Variants in TTC7B observed in about 807,000 individuals in gnomAD.
TTC7B encodes the protein tetratricopeptide repeat domain 7B, also known as tetratricopeptide repeat protein 7B.
A neutral mutation model predicts 106.8 loss-of-function variants in TTC7B; 28 were observed. The observed-to-expected ratio is 0.26, with a 90% CI of 0.19 to 0.36. The LOEUF is 0.36. Among genes scored for constraint, TTC7B ranks in the 10% least tolerant of loss-of-function variants. The pLI is 1.00. For synonymous variants in TTC7B, 405 were observed against 430.6 expected (o/e 0.94, Z 0.74); for missense variants, 862 against 1,076.4 (o/e 0.80, Z 2.79).
intron 3 of TTC7B, among the ~76,000 whole-genome samples, chr14:90,777,553 A>G (rs953658757): frequency 6.6e-6 from 1 of 152,208 alleles, no homozygotes; most frequent in Non-Finnish European, 1.5e-5. Context: ...CTCAGACCTC[A>G]GGTCACCAGG....
At chr14:90,766,589 T>C in intron 3 of TTC7B, 1 of 837,730 alleles carries the variant, frequency 1.2e-6, no homozygotes, top group East Asian at 2.4e-5. Flanking sequence ...AACACCATCA[T>C]CGATGGGCAG....
intron 17 of TTC7B, among the ~76,000 whole-genome samples, chr14:90,601,783 C>G (rs1359000206): frequency 6.6e-6 from 1 of 152,188 alleles, no homozygotes; most frequent in Non-Finnish European, 1.5e-5. Context: ...GGGGAAGGCA[C>G]CTGACTCGCC....
intron 5 of TTC7B, among the ~76,000 whole-genome samples, chr14:90,712,047 T>TA (rs1888470544): frequency 8.7e-6 from 1 of 114,740 alleles, no homozygotes; most frequent in Admixed American, 8.4e-5. Flanking sequence ...AGGTTGAAAA[T>TA]AAAAGGACAA....
intron 4 of TTC7B, among the ~76,000 whole-genome samples, chr14:90,732,904 A>T (rs779627467): frequency 6.6e-6 from 1 of 152,092 alleles, no homozygotes. Flanking sequence ...CTTTTCTAAC[A>T]ATCGGCATTA....
chr14:90,774,224 G>A (rs540630153), intron 3 of TTC7B, among the ~76,000 whole-genome samples: 5 of 152,288 alleles, frequency 3.3e-5, no homozygotes, highest in South Asian at 2.1e-4. Context: ...TAGCCGCTCC[G>A]CTCACCTGGG....
At chr14:90,561,899 G>A (rs960586372) in intron 19 of TTC7B, among the ~76,000 whole-genome samples, 6 of 152,156 alleles carry the variant, frequency 3.9e-5, no homozygotes, top group African/African-American at 1.4e-4. Flanking sequence ...TTAGCAAGGT[G>A]GACTGAAAAA....
At chr14:90,637,187 GA>G (rs564506989) in intron 15 of TTC7B, among the ~76,000 whole-genome samples, 1 of 151,360 alleles carries the variant, frequency 6.6e-6, no homozygotes, top group Non-Finnish European at 1.5e-5. Context: ...TATTAGAATT[GA>G]AAAAAACTTA....
chr14:90,627,145 C>T lies in TTC7B; in HGVS notation c.1752-9100G>A, dbSNP rs1392559336. On this transcript the variant is annotated intron_variant, in intron 15 of 19. Coordinates refer to ENST00000328459, the MANE Select transcript of TTC7B (RefSeq NM_001010854.2). ...TGCAGGCATGCGTCACCATGACTGGCTAATTAAAAAAAATTTTTTAGTAGA... is the reference window on the plus strand; with the variant it reads ...TGCAGGCATGCGTCACCATGACTGGTTAATTAAAAAAAATTTTTTAGTAGA... Among the ~76,000 whole-genome samples the T allele has an allele frequency of 2.0e-5, 3 of 151,862 alleles. No homozygotes were observed. In the East Asian group the frequency reaches 5.8e-4, roughly 29 times the overall value.
At chr14:90,753,674 C>G (rs1003498884) in intron 3 of TTC7B, among the ~76,000 whole-genome samples, 6 of 152,226 alleles carry the variant, frequency 3.9e-5, no homozygotes, top group African/African-American at 1.4e-4. Context: ...CAATCCAGAG[C>G]ATCTATGATT....
At chr14:90,731,704 C>G (rs1378729258) in intron 4 of TTC7B, among the ~76,000 whole-genome samples, 1 of 152,144 alleles carries the variant, frequency 6.6e-6, no homozygotes, top group African/African-American at 2.4e-5. Flanking sequence ...CCGTCAAGTG[C>G]CAGAGATGCA....
chr14:90,578,033 CAT>C lies in TTC7B; in HGVS notation c.2310+71_2310+72del. 6.6e-7 allele frequency: 1 copy of C among 1,518,244 alleles called. No individual in the cohort carries two copies. Among genetic ancestry groups the C allele is most frequent in the South Asian group, 1.2e-5 (1 of 83,236 alleles). The allele number at this position is 1,518,244 out of a possible 1,614,324, so 94.0% of individuals were successfully genotyped here. A position where few individuals can be genotyped will look rare whatever the true frequency, so the allele number is the denominator to read the frequency against. On this transcript the variant is annotated intron_variant, in intron 19 of 19. Transcript: ENST00000328459. The surrounding 1 kb of genome is among the most constrained non-coding windows in gnomAD (Gnocchi z 4.7). ...TGGAAGCAGAAGAGGGTGTGAGGGT[CAT>C]GTGCTACCTGCCGCTTCCAAGGGCT...
At chr14:90,601,860 C>T in intron 17 of TTC7B, 3 of 287,562 alleles carry the variant, frequency 1.0e-5, no homozygotes, top group South Asian at 1.0e-4. Flanking sequence ...ATGGAATTTA[C>T]ATTTTTACAG....
At chr14:90,692,312 T>C (rs563904809) in intron 6 of TTC7B, among the ~76,000 whole-genome samples, 87 of 152,290 alleles carry the variant, frequency 5.7e-4, no homozygotes, top group African/African-American at 2.0e-3. Context: ...TTTTAATTAT[T>C]TGGAGTATAT....
intron 19 of TTC7B, among the ~76,000 whole-genome samples, chr14:90,571,547 T>G (rs1891036508): frequency 6.6e-6 from 1 of 152,222 alleles, no homozygotes; most frequent in Non-Finnish European, 1.5e-5. Flanking sequence ...TGGAAAACAT[T>G]TTTTAATTAT....
intron 1 of TTC7B, among the ~76,000 whole-genome samples, chr14:90,789,686 G>A (rs927521041): frequency 1.3e-4 from 20 of 152,058 alleles, no homozygotes; most frequent in Non-Finnish European, 1.9e-4. Context: ...CATGAGGTCA[G>A]GAGATCAAGA....
intron 1 of TTC7B, among the ~76,000 whole-genome samples, chr14:90,788,334 C>A (rs1235499573): frequency 2.0e-5 from 3 of 152,142 alleles, no homozygotes; most frequent in Admixed American, 6.6e-5. Context: ...ACACACAAGC[C>A]CTTCTCAAGA....
intron 15 of TTC7B, among the ~76,000 whole-genome samples, chr14:90,629,255 T>C (rs1235534103): frequency 6.6e-6 from 1 of 152,242 alleles, no homozygotes; most frequent in Non-Finnish European, 1.5e-5. Context: ...TTTTTTTCTT[T>C]TTTTTTAAAT....
Position 90,600,510 on chromosome 14 carries a change from A to G in TTC7B, c.1967-6884T>C, listed in dbSNP as rs1892381421. Among the ~76,000 whole-genome samples the G allele has an allele frequency of 6.6e-6, 1 of 152,222 alleles. No individual in the cohort carries two copies. The highest frequency in any genetic ancestry group is 6.5e-5 in the Admixed American group (1 of 15,286). On this transcript the variant is annotated intron_variant, in intron 17 of 19. Coordinates refer to ENST00000328459, the MANE Select transcript of TTC7B (RefSeq NM_001010854.2). The surrounding 1 kb of genome is among the most constrained non-coding windows in gnomAD (Gnocchi z 4.3). ...GACACTTCCATTTTTCACCAAGTGA[A>G]AAAAGGATTAAGACTCATAGCCCCA...
intron 18 of TTC7B, among the ~76,000 whole-genome samples, chr14:90,583,031 C>T (rs1391871470): frequency 6.6e-6 from 1 of 152,214 alleles, no homozygotes; most frequent in African/African-American, 2.4e-5. Context: ...TGATTATGAA[C>T]CTGCACTACT....
Sources: gnomAD v4.1 joint callset for allele counts (sites outside exome capture counted in the v4.1 genomes callset) on GRCh38, gnomAD v4.1.1 for gene constraint, Gnocchi (gnomAD v3.1) non-coding constraint, MANE v1.5 for transcripts, NCBI Gene and HGNC (gene_info 2026-07-23, HGNC 2026-07-21) for gene names.